SOX5: variants seen among roughly 807,000 people sequenced by gnomAD.
The protein encoded by SOX5 is SRY-box transcription factor 5, also known as transcription factor SOX-5.
SOX5 carries 9 observed loss-of-function variants against 92.0 expected under a neutral mutation model. The ratio of observed to expected loss-of-function variants is 0.10; its 90% CI spans 0.06 to 0.17. The LOEUF (loss-of-function observed/expected upper bound fraction) is 0.17. Ranked by LOEUF, SOX5 falls within the 10% of genes least tolerant of loss-of-function variation. The pLI, the probability that SOX5 is intolerant of heterozygous loss-of-function variation, is 1.00. For synonymous variants in SOX5, 344 were observed against 336.3 expected (o/e 1.02, Z -0.25); for missense variants, 642 against 944.5 (o/e 0.68, Z 4.20).
At chr12:23,566,457 T>C (rs567007008) in intron 10 of SOX5, among the ~76,000 whole-genome samples, 9 of 152,356 alleles carry the variant, frequency 5.9e-5, no homozygotes, top group Admixed American at 1.3e-4. Context: ...CCTCTCTTTA[T>C]TGAATCTCAT....
intron 1 of SOX5, among the ~76,000 whole-genome samples, chr12:24,510,313 C>T (rs1047571812): frequency 6.6e-6 from 1 of 152,162 alleles, no homozygotes; most frequent in African/African-American, 2.4e-5. Flanking sequence ...GATGATAGAG[C>T]GGATAAATAC....
At chr12:24,062,794 G>A (rs1367758996) in intron 4 of SOX5, among the ~76,000 whole-genome samples, 1 of 152,210 alleles carries the variant, frequency 6.6e-6, no homozygotes, top group African/African-American at 2.4e-5. Context: ...GAGATGGGAT[G>A]CTGCCAATCT....
At chr12:24,455,401 GAT>G (rs1280824565) in intron 1 of SOX5, among the ~76,000 whole-genome samples, 1 of 151,974 alleles carries the variant, frequency 6.6e-6, no homozygotes, top group Non-Finnish European at 1.5e-5. Flanking sequence ...TTTTGTTCTG[GAT>G]ATAACTACAA....
intron 1 of SOX5, among the ~76,000 whole-genome samples, chr12:24,482,969 T>A (rs949840587): frequency 3.9e-5 from 6 of 152,202 alleles, no homozygotes; most frequent in Admixed American, 1.3e-4. Flanking sequence ...TATATAAATA[T>A]AAACATATGT....
chr12:24,296,926 GACAGACAC>G (rs1317010336), intron 2 of SOX5, among the ~76,000 whole-genome samples: 7 of 92,446 alleles, frequency 7.6e-5, no homozygotes, highest in Non-Finnish European at 1.6e-4. Flanking sequence ...TACATAGACA[GACAGACAC>G]ACACACACAC....
chr12:23,624,084 T>C (rs1416009669), intron 8 of SOX5, among the ~76,000 whole-genome samples: 2 of 152,060 alleles, frequency 1.3e-5, no homozygotes, highest in African/African-American at 2.4e-5. Flanking sequence ...TAAAATCAGA[T>C]ATGGAAGGCC....
chr12:24,348,364 CTATTTATTTATT>C (rs55635240), intron 2 of SOX5, among the ~76,000 whole-genome samples: 2 of 142,676 alleles, frequency 1.4e-5, no homozygotes, highest in Admixed American at 1.4e-4. Flanking sequence ...CTATTGACTC[CTATTTATTTATT>C]TATTTATTTA....
intron 1 of SOX5, among the ~76,000 whole-genome samples, chr12:24,458,373 A>G (rs1427062170): frequency 1.3e-5 from 2 of 152,192 alleles, no homozygotes; most frequent in African/African-American, 4.8e-5. Context: ...TAGACTTTTA[A>G]AAATATTATT....
chr12:24,297,698 G>A (rs544443633), intron 2 of SOX5, among the ~76,000 whole-genome samples: 1 of 152,294 alleles, frequency 6.6e-6, no homozygotes, highest in South Asian at 2.1e-4. Flanking sequence ...ACTGCACTAT[G>A]GAAACGCAGC....
At chr12:23,649,230 A>C (rs1235942974) in intron 7 of SOX5, among the ~76,000 whole-genome samples, 1 of 152,100 alleles carries the variant, frequency 6.6e-6, no homozygotes, top group Non-Finnish European at 1.5e-5. Context: ...TTCACAAACA[A>C]GGTCAGGGGT....
rs1436380559 is a variant in SOX5 at position 24,237,869 on chromosome 12, A to C, written c.-76-24452T>G. 2.0e-5 allele frequency: 3 copies of C among 152,194 alleles called. No individual in the cohort carries two copies. In the East Asian group the frequency reaches 5.8e-4, roughly 29 times the overall value. 9.4% of individuals were successfully genotyped at this position (152,194 alleles called of 1,614,324 possible). On this transcript the variant is annotated intron_variant, in intron 3 of 4. Transcript: ENST00000446891. ...CCTAGGACAGTGGCAGCTTCTGAGA[A>C]TGCACAGGAAAGTGACCAGGGAAAG...
intron 3 of SOX5, among the ~76,000 whole-genome samples, chr12:23,757,308 C>A (rs531818129): frequency 2.6e-5 from 4 of 151,780 alleles, no homozygotes; most frequent in Non-Finnish European, 4.4e-5. Context: ...GAACTAATAC[C>A]GAAAAATTTA....
intron 9 of SOX5, among the ~76,000 whole-genome samples, chr12:23,597,178 T>C (rs1040734851): frequency 3.3e-5 from 5 of 152,248 alleles, no homozygotes; most frequent in African/African-American, 1.2e-4. Context: ...GCATGAGACA[T>C]GTTTCTGTCA....
At chr12:23,536,969 T>G (rs1003775132) in intron 13 of SOX5, among the ~76,000 whole-genome samples, 3 of 152,140 alleles carry the variant, frequency 2.0e-5, no homozygotes, top group African/African-American at 7.2e-5. Context: ...CTACATTAGA[T>G]CATGATATAA....
chr12:23,765,460 G>A (rs372096646), intron 3 of SOX5, among the ~76,000 whole-genome samples: 17 of 129,442 alleles, frequency 1.3e-4, no homozygotes, highest in African/African-American at 4.8e-4. Context: ...AGTGAAATAA[G>A]TTAAAAAAGA....
At chr12:24,206,243 A>C (rs556082492) in intron 4 of SOX5, among the ~76,000 whole-genome samples, 1 of 152,358 alleles carries the variant, frequency 6.6e-6, no homozygotes, top group African/African-American at 2.4e-5. Context: ...AGTTTAAATA[A>C]TTACTTTTAA....
intron 6 of SOX5, among the ~76,000 whole-genome samples, chr12:23,725,112 A>G (rs987111766): frequency 6.6e-6 from 1 of 152,208 alleles, no homozygotes; most frequent in Non-Finnish European, 1.5e-5. Context: ...GGCAAATGGT[A>G]TCATATTCAG....
At chr12:24,102,490 A>G (rs1248281336) in intron 4 of SOX5, among the ~76,000 whole-genome samples, 1 of 152,214 alleles carries the variant, frequency 6.6e-6, no homozygotes, top group African/African-American at 2.4e-5. Flanking sequence ...ATAGGGAAAC[A>G]AATCAATTCT....
intron 6 of SOX5, among the ~76,000 whole-genome samples, chr12:23,726,463 T>C (rs1373792163): frequency 6.6e-6 from 1 of 152,208 alleles, no homozygotes; most frequent in African/African-American, 2.4e-5. Context: ...CTATAGCATT[T>C]ATTTTACCAC....
Sources: allele counts gnomAD v4.1 joint callset (sites outside exome capture counted in the v4.1 genomes callset), GRCh38; gene constraint gnomAD v4.1.1; transcripts MANE v1.5; gene names NCBI Gene and HGNC (gene_info 2026-07-23, HGNC 2026-07-21).